Variants in HMBOX1 observed in about 807,000 individuals in gnomAD.
HMBOX1 encodes the protein homeobox-containing protein 1.
A neutral mutation model predicts 54.5 loss-of-function variants in HMBOX1; 14 were observed. The observed-to-expected ratio is 0.26, with a 90% confidence interval of 0.17 to 0.40. The LOEUF is 0.40. Among genes scored for constraint, HMBOX1 ranks in the 10% least tolerant of loss-of-function variants. HMBOX1 has a pLI of 1.00. For missense variants in HMBOX1, 332 were observed against 514.4 expected (o/e 0.65, Z 3.43); for synonymous variants, 160 against 181.0 (o/e 0.88, Z 0.93).
rs368684931 is a variant in HMBOX1, at chr8:28,924,913, CTTTTTTT to C, written c.-58+34247_-58+34253del. ...AGGCATGAGCCACCGCGCCCAGCCT[CTTTTTTT>C]TTTTTTTTTTTCTAATAGTTGAAGA... On this transcript the variant is annotated intron_variant, in intron 1 of 9. Transcript: ENST00000287701. Among the ~76,000 whole-genome samples the C allele has an allele frequency of 3.0e-4, 38 of 126,396 alleles. 1 individual carries two copies. Among genetic ancestry groups the C allele is most frequent in the South Asian group, 9.9e-4 (4 of 4,026 alleles). The allele number at this position is 126,396 out of a possible 152,430, so 82.9% of individuals were successfully genotyped here. A position where few individuals can be genotyped will look rare whatever the true frequency, so the allele number is the denominator to read the frequency against.
intron 1 of HMBOX1, among the ~76,000 whole-genome samples, chr8:28,909,095 T>TAA (rs777937494): frequency 3.9e-5 from 5 of 129,392 alleles, no homozygotes; most frequent in Non-Finnish European, 3.3e-5. Flanking sequence ...ACCCTATCTC[T>TAA]AAAAAAAAAA....
chr8:29,033,972 T>C (rs1441454840), intron 6 of HMBOX1, among the ~76,000 whole-genome samples: 1 of 152,228 alleles, frequency 6.6e-6, no homozygotes, highest in Non-Finnish European at 1.5e-5. Context: ...CAAATATTTA[T>C]TGAGCTTCTA....
intron 1 of HMBOX1, among the ~76,000 whole-genome samples, chr8:28,899,990 C>G (rs1202715584): frequency 6.6e-6 from 1 of 151,976 alleles, no homozygotes; most frequent in Non-Finnish European, 1.5e-5. Flanking sequence ...GTGGCTCACA[C>G]CTGTAATCCC....
At chr8:29,047,523 C>A in intron 8 of HMBOX1, 70 bp downstream of exon 8, 1 of 754,100 alleles carries the variant, frequency 1.3e-6, no homozygotes, top group Non-Finnish European at 2.3e-6. Context: ...TTAAGATTAA[C>A]TTCAGTTTAG....
intron 3 of HMBOX1, among the ~76,000 whole-genome samples, chr8:28,972,185 C>G (rs751975205): frequency 1.1e-4 from 16 of 152,074 alleles, no homozygotes; most frequent in Non-Finnish European, 1.9e-4. Flanking sequence ...TAATTTGATA[C>G]AGCAGTTACA....
chr8:28,962,390 C>T (rs939806972), intron 1 of HMBOX1, among the ~76,000 whole-genome samples: 3 of 152,148 alleles, frequency 2.0e-5, no homozygotes, highest in Non-Finnish European at 4.4e-5. Context: ...AACTTCCTAG[C>T]ATGGAAGTTG....
At chr8:28,952,336 C>T (rs754047556) in intron 1 of HMBOX1, among the ~76,000 whole-genome samples, 2 of 151,994 alleles carry the variant, frequency 1.3e-5, no homozygotes, top group African/African-American at 2.4e-5. Context: ...TGGGTTCAAG[C>T]GATCCTCCTG....
At chr8:29,022,842 T>TC (rs1475169675) in intron 6 of HMBOX1, among the ~76,000 whole-genome samples, 2 of 130,274 alleles carry the variant, frequency 1.5e-5, no homozygotes, top group African/African-American at 5.9e-5. Flanking sequence ...AATTACGTAA[T>TC]TATATATCAA....
intron 3 of HMBOX1, among the ~76,000 whole-genome samples, chr8:28,974,095 T>C (rs1434869735): frequency 3.9e-5 from 6 of 152,144 alleles, no homozygotes; most frequent in Admixed American, 3.9e-4. Flanking sequence ...ATTACAGGCA[T>C]GAGCCACTGT....
chr8:28,905,488 ACAGTGATGATG>A (rs1450155344), intron 1 of HMBOX1, among the ~76,000 whole-genome samples: 1 of 152,228 alleles, frequency 6.6e-6, no homozygotes, highest in Non-Finnish European at 1.5e-5. Flanking sequence ...ATCAGGGAGG[ACAGTGATGATG>A]CCAGTTATAG....
At chr8:28,908,556 A>G (rs562301521) in intron 1 of HMBOX1, among the ~76,000 whole-genome samples, 2 of 152,190 alleles carry the variant, frequency 1.3e-5, no homozygotes, top group Non-Finnish European at 2.9e-5. Flanking sequence ...GGAGTTTGAC[A>G]CCAGCCTGAC....
At chr8:29,035,786 C>T (rs1312215961) in intron 6 of HMBOX1, among the ~76,000 whole-genome samples, 1 of 152,130 alleles carries the variant, frequency 6.6e-6, no homozygotes, top group Non-Finnish European at 1.5e-5. Flanking sequence ...CTAAATTCAG[C>T]GGTAGTCAAA....
intron 6 of HMBOX1, chr8:29,042,787 C>T: frequency 6.8e-6 from 3 of 441,158 alleles, no homozygotes; most frequent in Non-Finnish European, 1.4e-5. Flanking sequence ...TTTCGCATGC[C>T]ATGGAGTTCA....
intron 1 of HMBOX1, among the ~76,000 whole-genome samples, chr8:28,954,172 A>G (rs1823994433): frequency 6.6e-6 from 1 of 152,186 alleles, no homozygotes; most frequent in East Asian, 1.9e-4. Flanking sequence ...AATAATGTCT[A>G]ATTTATGGGA....
chr8:28,897,347 CGAT>C (rs2131529726), intron 1 of HMBOX1, among the ~76,000 whole-genome samples: 1 of 151,556 alleles, frequency 6.6e-6, no homozygotes, highest in South Asian at 2.1e-4. Context: ...TAAAAGTTAA[CGAT>C]AACATTGAAA....
At chr8:28,969,078 C>G (rs565266145) in intron 2 of HMBOX1, among the ~76,000 whole-genome samples, 5 of 152,212 alleles carry the variant, frequency 3.3e-5, no homozygotes, top group African/African-American at 1.2e-4. Context: ...GAGGTTGAGG[C>G]AGGAGAATCG....
At chr8:29,035,232 A>G (rs1292683117) in intron 6 of HMBOX1, among the ~76,000 whole-genome samples, 2 of 152,188 alleles carry the variant, frequency 1.3e-5, no homozygotes, top group Non-Finnish European at 2.9e-5. Flanking sequence ...AGTATTGATC[A>G]TAAGAAAAAC....
At chr8:29,039,516 C>A (rs1216434801) in intron 6 of HMBOX1, among the ~76,000 whole-genome samples, 1 of 152,200 alleles carries the variant, frequency 6.6e-6, no homozygotes, top group East Asian at 1.9e-4. Context: ...ACTGAAACCA[C>A]TGTTTTCTGT....
chr8:29,003,791 C>T (rs929890969), intron 4 of HMBOX1, among the ~76,000 whole-genome samples: 34 of 151,264 alleles, frequency 2.2e-4, no homozygotes, highest in South Asian at 6.3e-4. Context: ...CTGTGGAAGG[C>T]GAATTATAGA....
Sources: gnomAD v4.1 joint callset for allele counts (sites outside exome capture counted in the v4.1 genomes callset) on GRCh38, gnomAD v4.1.1 for gene constraint, MANE v1.5 for transcripts, NCBI Gene and HGNC (gene_info 2026-07-23, HGNC 2026-07-21) for gene names.